The following ASPM variants were observed in gnomAD, a reference collection of about 807,000 sequenced individuals.
ASPM encodes assembly factor for spindle microtubules.
ASPM carries 256 observed loss-of-function variants against 366.4 expected under a neutral mutation model. The observed-to-expected ratio is 0.70, with a 90% CI of 0.63 to 0.77. The LOEUF is 0.77. Among genes scored for constraint, ASPM ranks in the 30% least tolerant of loss-of-function variants. The pLI, the probability that ASPM is intolerant of heterozygous loss-of-function variation, is 0.00. For missense variants in ASPM, 4,146 were observed against 4,090.4 expected (o/e 1.01, Z -0.37); for synonymous variants, 1,414 against 1,342.9 (o/e 1.05, Z -1.16).
At chr1:197,128,739 A>G in intron 9 of ASPM, 74 bp from the exon 10 acceptor site, 1 of 1,181,388 alleles carries the variant, frequency 8.5e-7, no homozygotes, top group Non-Finnish European at 1.2e-6. Context: ...AATCCTCCAA[A>G]TCATTCTGTA....
chr1:197,092,064 T>G lies in ASPM; in HGVS notation c.9295-8A>C. The G allele has an allele frequency of 6.2e-7, 1 of 1,610,784 alleles. No individual in the cohort carries two copies. Among genetic ancestry groups the G allele is most frequent in the Non-Finnish European group, 8.5e-7 (1 of 1,178,088 alleles). On this transcript the variant is annotated splice_region_variant and splice_polypyrimidine_tract_variant and intron_variant, in intron 21 of 27. Transcript: ENST00000367409. ...GGCTCTCTGTTCTAAAAACTAAAGGTGAAAAAACAAAGCATATTCAAGTAT... is the reference window on the plus strand; with the variant it reads ...GGCTCTCTGTTCTAAAAACTAAAGGGGAAAAAACAAAGCATATTCAAGTAT...
chr1:197,124,795 A>T, intron 12 of ASPM, 75 bp downstream of exon 12: 1 of 1,210,530 alleles, frequency 8.3e-7, no homozygotes, highest in Non-Finnish European at 1.2e-6. Flanking sequence ...GTTATTCTTT[A>T]TTAGATTCAA....
In ASPM at chr1:197,100,734, A is replaced by G. The variant is rs747831229; in HGVS notation, c.8517T>C (p.Ala2839=). ...GAAGGAAGAACTGAATCCGTAGGGC[A>G]GCACATTTCTGTGTTTCCAGTTTTC... ...VTRKLETQKC[A]ALRIQFFLQM... Residue 2839 remains alanine, a synonymous_variant, in exon 18 of 28, where the codon GCT becomes GCC. Transcript: ENST00000367409. 4.3e-6 allele frequency: 7 copies of G among 1,612,498 alleles called. No individual in the cohort carries two copies. The South Asian group carries it at 7.7e-5, about 18-fold the overall frequency.
At chr1:197,108,982 A>G (rs1177320419) in intron 17 of ASPM, among the ~76,000 whole-genome samples, 4 of 151,360 alleles carry the variant, frequency 2.6e-5, no homozygotes, top group Admixed American at 2.6e-4. Context: ...AAAAAAAAAA[A>G]AAAAAAAAAA....
At position 197,146,457 on chromosome 1, in the gene ASPM, C is replaced by CT; in HGVS notation, c.-21dup. The CT allele has an allele frequency of 6.2e-7, 1 of 1,602,790 alleles. No individual in the cohort carries two copies. The highest frequency in any genetic ancestry group is 2.2e-5 in the East Asian group (1 of 44,812). On this transcript the variant is annotated 5_prime_UTR_variant, in exon 1 of 28. Coordinates refer to ENST00000367409, the MANE Select transcript of ASPM (RefSeq NM_018136.5). Reference sequence around the variant, plus strand: ...CGCCATGGCAGATTCGAGACCCCTCCTGGATCTCCTTGCCCCGCTCCCACG... The same window carrying CT: ...CGCCATGGCAGATTCGAGACCCCTCCTTGGATCTCCTTGCCCCGCTCCCACG...
At position 197,091,031 on chromosome 1, in the gene ASPM, C is replaced by G; in HGVS notation, c.9455G>C (p.Arg3152Pro). 6.2e-7 allele frequency: 1 copy of G among 1,609,468 alleles called. No homozygotes were observed. Among genetic ancestry groups the G allele is most frequent in the Non-Finnish European group, 8.5e-7 (1 of 1,176,988 alleles). ...AAATCTCTTTTCTTGTAATCTTGCT[C>G]GAAACCATCTCTGTTTAAAACATAG... ...NSVICIQRWF[R>P]ARLQEKRFIQ... The change falls in exon 23 of 28, where the codon CGA becomes CCA. Residue 3152 changes from arginine to proline, a missense_variant. Coordinates refer to ENST00000367409, the MANE Select transcript of ASPM (RefSeq NM_018136.5).
At chr1:197,097,599 A>T (rs1657019171) in intron 18 of ASPM, among the ~76,000 whole-genome samples, 1 of 151,780 alleles carries the variant, frequency 6.6e-6, no homozygotes, top group African/African-American at 2.4e-5. Flanking sequence ...ACCTTAACTC[A>T]TTCAGACTAT....
At position 197,143,232 on chromosome 1, in the gene ASPM, T is replaced by G. The variant is rs754008862; in HGVS notation, c.1020A>C (p.Ser340=). 1.2e-6 allele frequency: 2 copies of G among 1,613,078 alleles called. No homozygotes were observed. The highest frequency in any genetic ancestry group is 1.3e-5 in the African/African-American group (1 of 74,898). ...GTGAATTATCTTTCATAAACATATC[T>G]GATGAAAGACATGTTACTAATTCTA... is the stretch of plus-strand genomic sequence containing the variant. ...NELELVTCLS[S]DMFMKDNSQP... is the part of the protein sequence containing the mutation. The change falls in exon 3 of 28, where the codon TCA becomes TCC. Residue 340 remains serine, a synonymous_variant. Transcript: ENST00000367409.
intron 5 of ASPM, among the ~76,000 whole-genome samples, chr1:197,134,107 CA>C (rs977913261): frequency 6.6e-6 from 1 of 151,596 alleles, no homozygotes; most frequent in African/African-American, 2.4e-5. Flanking sequence ...CCTTTTAATA[CA>C]AAAATCCAGC....
At chr1:197,113,759 C>T (rs564350186) in intron 17 of ASPM, among the ~76,000 whole-genome samples, 3 of 152,124 alleles carry the variant, frequency 2.0e-5, no homozygotes, top group South Asian at 2.1e-4. Flanking sequence ...CATAGTATAA[C>T]GCTCTTTTAT....
At chr1:197,133,625 T>C (rs748081270) in intron 5 of ASPM, 30 bp from the exon 6 acceptor site, 3 of 1,603,908 alleles carry the variant, frequency 1.9e-6, no homozygotes, top group African/African-American at 2.7e-5. Context: ...AGAATGTTTC[T>C]GGTTAAACAA....
At chr1:197,128,008 A>G (rs1264335025) in intron 10 of ASPM, among the ~76,000 whole-genome samples, 1 of 152,006 alleles carries the variant, frequency 6.6e-6, no homozygotes, top group Non-Finnish European at 1.5e-5. Context: ...TACTAAAAAT[A>G]CAAAAAATTA....
At chr1:197,115,830 ACAGT>A (rs1303053648) in intron 17 of ASPM, among the ~76,000 whole-genome samples, 1 of 152,190 alleles carries the variant, frequency 6.6e-6, no homozygotes, top group East Asian at 1.9e-4. Context: ...TTTATAGTGT[ACAGT>A]CAGAGTATAT....
chr1:197,129,274 C>T lies in ASPM; in HGVS notation c.2673G>A (p.Leu891=). 6.2e-7 allele frequency: 1 copy of T among 1,612,762 alleles called. No homozygotes were observed. Among genetic ancestry groups the T allele is most frequent in the Non-Finnish European group, 8.5e-7 (1 of 1,179,054 alleles). The change falls in exon 9 of 28, where the codon TTG becomes TTA. Residue 891 remains leucine, a synonymous_variant. Transcript: ENST00000367409. ...ALSKFTLKKL[L]LLVCFLDYAK... ...CATAATCAAGAAAACAGACCAACAACAATAACTTTTTCAATGTAAACTTGG... is the reference window on the plus strand; with the variant it reads ...CATAATCAAGAAAACAGACCAACAATAATAACTTTTTCAATGTAAACTTGG...
Position 197,102,533 on chromosome 1 carries a change from T to C in ASPM, c.6718A>G (p.Arg2240Gly). Residue 2240 changes from arginine (R) to glycine (G), a missense_variant, in exon 18 of 28, where the codon AGG (arginine) becomes GGG (glycine). Around this residue, in one of 3 missense-constraint regions of ASPM, gnomAD observed 3,624 missense variants for 3,591.7 expected, o/e 1.01. Transcript: ENST00000367409. ...NIQFQRYNKL[R>G]HSVIYIQAIF... ...GCCTGAATGTATATTACAGAATGCC[T>C]CAGTTTGTTATACCTTTGAAATTGT... 6.2e-7 allele frequency: 1 copy of C among 1,612,634 alleles called. No individual in the cohort carries two copies. The highest frequency in any genetic ancestry group is 8.5e-7 in the Non-Finnish European group (1 of 1,179,226).
In ASPM at chr1:197,090,350, A is replaced by G. The variant is rs748375299; in HGVS notation, c.9675T>C (p.Asp3225=). The G allele has an allele frequency of 1.2e-6, 2 of 1,611,998 alleles. No homozygotes were observed. The highest frequency in any genetic ancestry group is 1.7e-6 in the Non-Finnish European group (2 of 1,178,836). The change falls in exon 24 of 28, where the codon GAT becomes GAC. Residue 3225 remains aspartate, a synonymous_variant. Coordinates refer to ENST00000367409, the MANE Select transcript of ASPM (RefSeq NM_018136.5). ...WRGYSWRKKN[D]CTKIKAIRLS... ...GTCGTATAGCTTTAATTTTTGTACA[A>G]TCATTTTTCTTCCTCCAAGAATAGC...
rs550826552 is a variant in ASPM at position 197,094,164 on chromosome 1, C to T, written c.9004G>A (p.Ala3002Thr). Reference sequence around the variant, plus strand: ...TTTCTCTGAATGATAATTGCTGATGCTCTCACATTCAAAAACCTAAAAAGT... The same window carrying T: ...TTTCTCTGAATGATAATTGCTGATGTTCTCACATTCAAAAACCTAAAAAGT... ...LERTRFLNVR[A>T]SAIIIQRKWR... The change falls in exon 20 of 28, where the codon GCA (alanine) becomes ACA (threonine). Residue 3002 changes from alanine (A) to threonine (T), a missense_variant. By Grantham distance (58) the Ala-to-Thr change is moderately conservative. Transcript: ENST00000367409. 17 of 1,604,702 alleles carry T rather than the reference C, an allele frequency of 1.1e-5. No individual in the cohort carries two copies. The South Asian group carries it at 1.6e-4, about 15-fold the overall frequency.
intron 16 of ASPM, among the ~76,000 whole-genome samples, chr1:197,118,737 T>C (rs1657816287): frequency 6.6e-6 from 1 of 152,154 alleles, no homozygotes; most frequent in Non-Finnish European, 1.5e-5. Context: ...TTACGATCAC[T>C]AGAAAACTGA....
intron 25 of ASPM, among the ~76,000 whole-genome samples, chr1:197,088,766 A>C (rs1235477050): frequency 6.6e-6 from 1 of 152,086 alleles, no homozygotes; most frequent in African/African-American, 2.4e-5. Flanking sequence ...AGAATCTCTA[A>C]GGAAAAAGAT....
Sources: allele counts gnomAD v4.1 joint callset (sites outside exome capture counted in the v4.1 genomes callset), GRCh38; gene constraint gnomAD v4.1.1; regional missense constraint gnomAD v4.1.1; transcripts MANE v1.5; gene names NCBI Gene and HGNC (gene_info 2026-07-23, HGNC 2026-07-21).